PARM1: variants seen among roughly 807,000 people sequenced by gnomAD.
PARM1 encodes WSC4, cell wall integrity and stress response component 4 homolog.
PARM1 carries 14 observed loss-of-function variants against 24.6 expected under a neutral mutation model. That is an observed-to-expected ratio of 0.57 (90% CI 0.38 to 0.89). PARM1 has a LOEUF of 0.89. PARM1 is among the 40% of genes least tolerant of loss of function. PARM1 has a pLI of 0.00. For missense variants in PARM1, 362 were observed against 380.4 expected, an observed-to-expected ratio of 0.95 and a Z score of 0.40; for synonymous variants, 179 against 156.6, an observed-to-expected ratio of 1.14 and a Z score of -1.07.
At chr4:75,027,274 A>G (rs1723200711) in intron 2 of PARM1, among the ~76,000 whole-genome samples, 1 of 151,894 alleles carries the variant, frequency 6.6e-6, no homozygotes, top group Non-Finnish European at 1.5e-5. Flanking sequence ...GCCCCTGCCT[A>G]TTGGGTCTCT....
At chr4:74,990,145 G>T (rs145298707) in intron 1 of PARM1, among the ~76,000 whole-genome samples, 1 of 152,100 alleles carries the variant, frequency 6.6e-6, no homozygotes, top group African/African-American at 2.4e-5. Context: ...GAGATGAAAG[G>T]CACCATTAAT....
intron 1 of PARM1, among the ~76,000 whole-genome samples, chr4:74,980,320 T>A (rs776857156): frequency 6.6e-6 from 1 of 151,906 alleles, no homozygotes; most frequent in Non-Finnish European, 1.5e-5. Context: ...TATACACCAA[T>A]AACACACAAG....
At chr4:74,996,554 C>T (rs113306149) in intron 1 of PARM1, among the ~76,000 whole-genome samples, 254 of 152,180 alleles carry the variant, frequency 1.7e-3, no homozygotes, top group African/African-American at 6.0e-3. Flanking sequence ...AAAATGTCAT[C>T]CAAGAAGAAA....
At chr4:74,997,025 G>T (rs1292451739) in intron 1 of PARM1, among the ~76,000 whole-genome samples, 1 of 152,166 alleles carries the variant, frequency 6.6e-6, no homozygotes, top group East Asian at 1.9e-4. Flanking sequence ...CTTAATAAAA[G>T]GTAGATTTTC....
At chr4:74,952,042 A>G (rs558502285) in intron 1 of PARM1, among the ~76,000 whole-genome samples, 39 of 152,224 alleles carry the variant, frequency 2.6e-4, no homozygotes, top group Non-Finnish European at 3.1e-4. Flanking sequence ...GAACTAATTT[A>G]TACTCCCACC....
At chr4:74,933,569 G>T (rs1299084612) in intron 1 of PARM1, among the ~76,000 whole-genome samples, 199 bp downstream of exon 1, 1 of 152,156 alleles carries the variant, frequency 6.6e-6, no homozygotes, top group Non-Finnish European at 1.5e-5. Context: ...GGGACGATGG[G>T]GTCCTTCCTG....
intron 2 of PARM1, among the ~76,000 whole-genome samples, chr4:75,015,474 G>A (rs1004321680): frequency 2.0e-5 from 3 of 152,184 alleles, no homozygotes; most frequent in Admixed American, 1.3e-4. Flanking sequence ...ATAGACCAAA[G>A]AGTATGTATC....
chr4:74,971,196 A>G (rs572226936), intron 1 of PARM1, among the ~76,000 whole-genome samples: 3 of 152,326 alleles, frequency 2.0e-5, no homozygotes, highest in African/African-American at 7.2e-5. Flanking sequence ...GAGGCCTCAC[A>G]ATCATGGCAG....
At chr4:75,014,799 C>T (rs1354285889) in intron 2 of PARM1, among the ~76,000 whole-genome samples, 1 of 152,176 alleles carries the variant, frequency 6.6e-6, no homozygotes, top group African/African-American at 2.4e-5. Context: ...CCCATTAGCA[C>T]CTTTTTTATA....
intron 3 of PARM1, among the ~76,000 whole-genome samples, chr4:75,038,047 G>T (rs1372065464): frequency 1.3e-5 from 2 of 152,160 alleles, no homozygotes; most frequent in African/African-American, 4.8e-5. Flanking sequence ...CTCCTGAGTA[G>T]CTGGGACTAC....
intron 1 of PARM1, among the ~76,000 whole-genome samples, chr4:74,976,802 G>A (rs1248270884): frequency 6.6e-6 from 1 of 152,170 alleles, no homozygotes; most frequent in Non-Finnish European, 1.5e-5. Flanking sequence ...CCAGGTGCGG[G>A]AGGGACCCAG....
At chr4:74,956,190 G>C (rs1224415801) in intron 1 of PARM1, 1 of 152,216 alleles carries the variant, frequency 6.6e-6, no homozygotes, top group African/African-American at 2.4e-5. Flanking sequence ...GAGGTGACAT[G>C]TACAAAGTCA....
intron 1 of PARM1, among the ~76,000 whole-genome samples, chr4:74,935,679 G>A (rs1217563163): frequency 6.6e-6 from 1 of 152,086 alleles, no homozygotes; most frequent in African/African-American, 2.4e-5. Flanking sequence ...CTTGAGCCAG[G>A]AACAGCATTA....
intron 1 of PARM1, among the ~76,000 whole-genome samples, chr4:74,992,448 T>C (rs1702679181): frequency 6.6e-6 from 1 of 152,078 alleles, no homozygotes; most frequent in African/African-American, 2.4e-5. Context: ...CGGCTTACAT[T>C]TTTTCAAATT....
At chr4:74,984,684 T>C (rs866026232) in intron 1 of PARM1, among the ~76,000 whole-genome samples, 2 of 152,246 alleles carry the variant, frequency 1.3e-5, no homozygotes, top group South Asian at 4.1e-4. Context: ...TTTTGAAATG[T>C]CATTAACATA....
rs763364910 is a variant in PARM1 at position 75,046,213 on chromosome 4, G to A, written c.899G>A (p.Gly300Glu). Residue 300 changes from glycine (G) to glutamate (E), a missense_variant, in exon 4 of 4, where the codon GGA becomes GAA. Coordinates refer to ENST00000307428, the MANE Select transcript of PARM1 (RefSeq NM_015393.4). The stretch of plus-strand genomic sequence containing the variant: ...GACGACCATGACTACGGGTCCTGGG[G>A]AAACTACAACAACCCTCTGTACGAT... ...LLDDHDYGSW[G>E]NYNNPLYDDS is the part of the protein sequence containing the mutation. 3 of 1,612,678 alleles carry A rather than the reference G, an allele frequency of 1.9e-6. No individual in the cohort carries two copies. In the South Asian group the frequency reaches 3.3e-5, roughly 18 times the overall value.
intron 1 of PARM1, among the ~76,000 whole-genome samples, chr4:74,939,754 G>A (rs1190283905): frequency 2.0e-5 from 3 of 152,074 alleles, no homozygotes; most frequent in African/African-American, 7.2e-5. Flanking sequence ...GAACTGTGGT[G>A]GATATTTGTA....
chr4:74,987,984 T>C lies in PARM1; in HGVS notation c.44-24441T>C, dbSNP rs564179628. 2.0e-3 allele frequency among the ~76,000 whole-genome samples: 308 copies of C among 152,352 alleles called. 1 individual carries two copies. Among genetic ancestry groups the C allele is most frequent in the African/African-American group, 6.7e-3 (277 of 41,584 alleles). On this transcript the variant is annotated intron_variant, in intron 1 of 3. Transcript: ENST00000307428. ...TGTGTCATGTGAGGCCCTGGGCTAGTAGCCTTGTGAATGAGTTCAGGAGGA... is the reference window on the plus strand; with the variant it reads ...TGTGTCATGTGAGGCCCTGGGCTAGCAGCCTTGTGAATGAGTTCAGGAGGA...
intron 2 of PARM1, among the ~76,000 whole-genome samples, chr4:75,027,186 C>T (rs954082587): frequency 3.9e-5 from 6 of 152,146 alleles, no homozygotes; most frequent in African/African-American, 1.4e-4. Context: ...GCCTGCCTAT[C>T]CCATCCAATC....
Sources: allele counts gnomAD v4.1 joint callset (sites outside exome capture counted in the v4.1 genomes callset), GRCh38; gene constraint gnomAD v4.1.1; transcripts MANE v1.5; gene names NCBI Gene and HGNC (gene_info 2026-07-23, HGNC 2026-07-21).